Variants in PCDHGB4 observed in about 807,000 individuals in gnomAD.
PCDHGB4 encodes the protein protocadherin gamma-B4.
PCDHGB4 carries 38 observed loss-of-function variants against 60.5 expected under a neutral mutation model. The ratio of observed to expected loss-of-function variants is 0.63; its 90% CI spans 0.48 to 0.82. The LOEUF (loss-of-function observed/expected upper bound fraction) is 0.82. Among genes scored for constraint, PCDHGB4 ranks in the 40% least tolerant of loss-of-function variants. PCDHGB4 has a pLI of 0.00. For synonymous variants in PCDHGB4, 456 were observed against 509.7 expected (o/e 0.89, Z 1.42); for missense variants, 1,109 against 1,209.6 (o/e 0.92, Z 1.23).
chr5:141,389,456 C>T lies in PCDHGB4; in HGVS notation c.1572C>T (p.Arg524=). The T allele has an allele frequency of 6.2e-7, 1 of 1,613,332 alleles. No homozygotes were observed. Among genetic ancestry groups the T allele is most frequent in the South Asian group, 1.1e-5 (1 of 91,068 alleles). ...AQRAFDHEQL[R]AFELTLQARD... ...GCGCCTTCGACCACGAGCAGCTGCG[C>T]GCCTTCGAACTCACACTGCAGGCCC... is the stretch of plus-strand genomic sequence containing the variant. Residue 524 remains arginine (R), a synonymous_variant, in exon 1 of 4, where the codon CGC becomes CGT. Transcript: ENST00000519479.
At position 141,388,422 on chromosome 5, in the gene PCDHGB4, C is replaced by T. The variant is rs68033444; in HGVS notation, c.538C>T (p.Leu180=). The T allele has an allele frequency of 0.056, 89,796 of 1,613,752 alleles. 3,047 individuals are homozygous for T. Among genetic ancestry groups the T allele is most frequent in the African/African-American group, 0.15 (10,941 of 74,992 alleles). The change falls in exon 1 of 4, where the codon CTG becomes TTG. Residue 180 remains leucine (L), a synonymous_variant. Coordinates refer to ENST00000519479, the MANE Select transcript of PCDHGB4 (RefSeq NM_003736.4). ...ACTCAGTCCCAGTGATCATTTCTCACTGATAAATAAAGAGAAATCAGATGG... is the reference window on the plus strand; with the variant it reads ...ACTCAGTCCCAGTGATCATTTCTCATTGATAAATAAAGAGAAATCAGATGG... ...YQLSPSDHFS[L]INKEKSDGSK...
At chr5:141,393,632 C>T (rs1477463079) in intron 1 of PCDHGB4, 1 of 1,613,930 alleles carries the variant, frequency 6.2e-7, no homozygotes, top group Non-Finnish European at 8.5e-7. Context: ...ATGAGGGAAT[C>T]AACGGAAAAG....
intron 1 of PCDHGB4, chr5:141,427,815 G>A: frequency 6.5e-7 from 1 of 1,527,760 alleles, no homozygotes; most frequent in Non-Finnish European, 9.0e-7. Context: ...ACAGAGCGGG[G>A]TGGTGGTCGC....
chr5:141,389,454 C>T lies in PCDHGB4; in HGVS notation c.1570C>T (p.Arg524Cys), dbSNP rs544789937. The change falls in exon 1 of 4, where the codon CGC becomes TGC. Residue 524 changes from arginine to cysteine, a missense_variant. Around this residue, in one of 2 missense-constraint regions of PCDHGB4, gnomAD observed 1,068 missense variants for 1,089.9 expected, o/e 0.98. Coordinates refer to ENST00000519479, the MANE Select transcript of PCDHGB4 (RefSeq NM_003736.4). The part of the protein sequence containing the change: ...AQRAFDHEQL[R>C]AFELTLQARD... ...GCGCGCCTTCGACCACGAGCAGCTG[C>T]GCGCCTTCGAACTCACACTGCAGGC... The T allele has an allele frequency of 6.2e-7, 1 of 1,612,960 alleles. No individual in the cohort carries two copies. The highest frequency in any genetic ancestry group is 1.3e-5 in the African/African-American group (1 of 75,072).
At chr5:141,423,742 A>C in intron 1 of PCDHGB4, 1 of 514,328 alleles carries the variant, frequency 1.9e-6, no homozygotes, top group Non-Finnish European at 2.4e-6. Context: ...CCTGTTATGA[A>C]AACTGTTTGG....
intron 1 of PCDHGB4, chr5:141,422,019 G>T (rs777239843): frequency 1.9e-6 from 3 of 1,610,862 alleles, no homozygotes; most frequent in Non-Finnish European, 2.5e-6. Context: ...GGGTGCTGAT[G>T]GTTAATGCAA....
chr5:141,389,888 G>A lies in PCDHGB4; in HGVS notation c.2004G>A (p.Glu668=). 6.2e-7 allele frequency: 1 copy of A among 1,614,086 alleles called. No individual in the cohort carries two copies. The highest frequency in any genetic ancestry group is 8.5e-7 in the Non-Finnish European group (1 of 1,179,906). Residue 668 remains glutamate (E), a synonymous_variant, in exon 1 of 4, where the codon GAG becomes GAA. Transcript: ENST00000519479. ...TGGTCTTCGCCGACAGCTTGCAGGA[G>A]GTGCTGCCGGATATCACTGACCGCC... ...LHLVFADSLQ[E]VLPDITDRPD...
Position 141,490,413 on chromosome 5 carries a change from G to A in PCDHGB4, c.2398-4394G>A, listed in dbSNP as rs2233606. On this transcript the variant is annotated intron_variant, in intron 1 of 3. Transcript: ENST00000519479. The surrounding 1 kb of genome is among the most constrained non-coding windows in gnomAD (Gnocchi z 5.4). ...GTGAAGTGAGCCTTGATATCTCTCC[G>A]GACCTGCCATTTCAGATTAAGCCTT... 2.3e-3 allele frequency: 3,787 copies of A among 1,614,128 alleles called. 38 individuals are homozygous for A. In the African/African-American group the frequency reaches 0.027, roughly 12 times the overall value.
At position 141,485,069 on chromosome 5, in the gene PCDHGB4, G is replaced by A. The variant is rs1185236732; in HGVS notation, c.2398-9738G>A. 1.1e-6 allele frequency: 1 copy of A among 905,912 alleles called. No homozygotes were observed. Among genetic ancestry groups the A allele is most frequent in the Non-Finnish European group, 1.7e-6 (1 of 577,940 alleles). The allele number at this position is 905,912 out of a possible 1,614,324, so 56.1% of individuals were successfully genotyped here. A position where few individuals can be genotyped will look rare whatever the true frequency, so the allele number is the denominator to read the frequency against. On this transcript the variant is annotated intron_variant, in intron 1 of 3. Coordinates refer to ENST00000519479, the MANE Select transcript of PCDHGB4 (RefSeq NM_003736.4). This position sits in a 1 kb window ranked among gnomAD's most constrained non-coding sequence, Gnocchi z 5.7. ...GCGCCGGCCGAACCGCGCCAGAGCTGGCGCGGGGAAAGGGAGATAGGTGTC... is the reference window on the plus strand; with the variant it reads ...GCGCCGGCCGAACCGCGCCAGAGCTAGCGCGGGGAAAGGGAGATAGGTGTC...
rs749528675 is a variant in PCDHGB4, at chr5:141,490,604, A to G, written c.2398-4203A>G. On this transcript the variant is annotated intron_variant, in intron 1 of 3. Coordinates refer to ENST00000519479, the MANE Select transcript of PCDHGB4 (RefSeq NM_003736.4). This position sits in a 1 kb window ranked among gnomAD's most constrained non-coding sequence, Gnocchi z 5.4. ...GTCAATGACAATGCACCCCGCTTCA[A>G]CCAGCAGCTTTACACTGCTTACATC... is the stretch of plus-strand genomic sequence containing the variant. 13 of 1,614,192 alleles carry G rather than the reference A, an allele frequency of 8.1e-6. No homozygotes were observed. Among genetic ancestry groups the G allele is most frequent in the Non-Finnish European group, 1.1e-5 (13 of 1,180,022 alleles).
At position 141,431,493 on chromosome 5, in the gene PCDHGB4, C is replaced by G. The variant is rs1281626711; in HGVS notation, c.2397+41212C>G. On this transcript the variant is annotated intron_variant, in intron 1 of 3. Transcript: ENST00000519479. The surrounding 1 kb of genome is among the most constrained non-coding windows in gnomAD (Gnocchi z 4.8). ...GACAACGCACCAGCGTTTGCTCAGC[C>G]CGAGTACCGCGCGAGCGTTCCGGAG... 1 of 1,613,994 alleles carries G rather than the reference C, an allele frequency of 6.2e-7. No individual in the cohort carries two copies. The highest frequency in any genetic ancestry group is 8.5e-7 in the Non-Finnish European group (1 of 1,180,042).
chr5:141,492,320 G>A (rs1001784912), intron 1 of PCDHGB4, among the ~76,000 whole-genome samples: 1 of 152,206 alleles, frequency 6.6e-6, no homozygotes. Flanking sequence ...CTCCTCGCAC[G>A]TGGGCTTACG....
intron 1 of PCDHGB4, among the ~76,000 whole-genome samples, chr5:141,457,906 T>G (rs1272656638): frequency 6.7e-6 from 1 of 150,040 alleles, no homozygotes; most frequent in Admixed American, 6.6e-5. Flanking sequence ...AGACAAGGTG[T>G]GAGGCCAGTT....
At chr5:141,441,890 T>C (rs967557692) in intron 1 of PCDHGB4, 18 of 348,170 alleles carry the variant, frequency 5.2e-5, no homozygotes, top group Non-Finnish European at 7.2e-5. Flanking sequence ...GTCACCAAGG[T>C]GGTGGCTGTA....
intron 1 of PCDHGB4, chr5:141,395,508 A>T: frequency 2.2e-6 from 1 of 461,184 alleles, no homozygotes. Context: ...CTTAAGAAGT[A>T]GCTACCCGTC....
At position 141,477,369 on chromosome 5, in the gene PCDHGB4, A is replaced by G; in HGVS notation, c.2398-17438A>G. The G allele has an allele frequency of 6.2e-7, 1 of 1,614,164 alleles. No individual in the cohort carries two copies. Among genetic ancestry groups the G allele is most frequent in the Non-Finnish European group, 8.5e-7 (1 of 1,180,026 alleles). ...AAAACCAGTGCAGACCTGGATCGGG[A>G]GACTGTGCCAGAATACAACCTCAGC... On this transcript the variant is annotated intron_variant, in intron 1 of 3. Transcript: ENST00000519479. The surrounding 1 kb of genome is among the most constrained non-coding windows in gnomAD (Gnocchi z 4.9).
At chr5:141,457,167 C>T (rs1465212183) in intron 1 of PCDHGB4, among the ~76,000 whole-genome samples, 1 of 152,114 alleles carries the variant, frequency 6.6e-6, no homozygotes, top group East Asian at 1.9e-4. Context: ...CATGGATAAC[C>T]CTATTGCAAA....
intron 1 of PCDHGB4, among the ~76,000 whole-genome samples, chr5:141,467,421 G>T (rs957302311): frequency 6.6e-6 from 1 of 152,100 alleles, no homozygotes; most frequent in African/African-American, 2.4e-5. Flanking sequence ...CCACACCTAG[G>T]TTATAGAAAC....
intron 1 of PCDHGB4, chr5:141,403,034 G>T (rs1589474195): frequency 1.9e-6 from 3 of 1,614,096 alleles, no homozygotes; most frequent in East Asian, 2.2e-5. Flanking sequence ...GGAGGCCAGG[G>T]CCAGTCAGAT....
Sources: gnomAD v4.1 joint callset for allele counts (sites outside exome capture counted in the v4.1 genomes callset) on GRCh38, gnomAD v4.1.1 for gene constraint, gnomAD v4.1.1 regional missense constraint, Gnocchi (gnomAD v3.1) non-coding constraint, MANE v1.5 for transcripts, NCBI Gene and HGNC (gene_info 2026-07-23, HGNC 2026-07-21) for gene names.